GRIA4: variants seen among roughly 807,000 people sequenced by gnomAD.
GRIA4 encodes glutamate ionotropic receptor AMPA type subunit 4, also known as glutamate receptor 4.
GRIA4 carries 34 observed loss-of-function variants against 104.0 expected under a neutral mutation model. The ratio of observed to expected loss-of-function variants is 0.33; its 90% confidence interval spans 0.25 to 0.44. The LOEUF is 0.44. Ranked by LOEUF, GRIA4 falls within the 20% of genes least tolerant of loss-of-function variation. GRIA4 has a pLI of 1.00. For missense variants in GRIA4, 750 were observed against 1,096.5 expected (o/e 0.68, Z 4.46); for synonymous variants, 386 against 381.9 (o/e 1.01, Z -0.13).
intron 4 of GRIA4, among the ~76,000 whole-genome samples, chr11:105,839,079 C>T (rs1318516900): frequency 1.3e-5 from 2 of 152,104 alleles, no homozygotes; most frequent in Admixed American, 6.6e-5. Flanking sequence ...GCACCGGCCC[C>T]CTCTAGCTTT....
chr11:105,837,122 T>G (rs182689186), intron 4 of GRIA4, among the ~76,000 whole-genome samples: 1 of 152,162 alleles, frequency 6.6e-6, no homozygotes, highest in Admixed American at 6.5e-5. Flanking sequence ...CAAACACTTA[T>G]AAAACCATCA....
chr11:105,717,656 A>ATAGAGT (rs1954139998), intron 3 of GRIA4, among the ~76,000 whole-genome samples: 1 of 152,038 alleles, frequency 6.6e-6, no homozygotes, highest in Non-Finnish European at 1.5e-5. Context: ...AAGACATAAC[A>ATAGAGT]TAGAGTTAAA....
intron 3 of GRIA4, among the ~76,000 whole-genome samples, chr11:105,684,597 AAT>A (rs1952816142): frequency 6.8e-6 from 1 of 146,848 alleles, no homozygotes; most frequent in African/African-American, 2.5e-5. Context: ...TTATAATATA[AAT>A]ATATTTTTAT....
chr11:105,979,111 G>A (rs1859142747), intron 16 of GRIA4, among the ~76,000 whole-genome samples: 2 of 152,198 alleles, frequency 1.3e-5, no homozygotes, highest in African/African-American at 4.8e-5. Flanking sequence ...TATAAAACAG[G>A]AAGATCTGTC....
chr11:105,781,333 T>C (rs975781573), intron 4 of GRIA4, among the ~76,000 whole-genome samples: 1 of 152,110 alleles, frequency 6.6e-6, no homozygotes, highest in Non-Finnish European at 1.5e-5. Flanking sequence ...TCCCATTCTT[T>C]TGTACAAGGA....
intron 10 of GRIA4, among the ~76,000 whole-genome samples, chr11:105,916,155 G>C (rs1947398301): frequency 6.6e-6 from 1 of 152,168 alleles, no homozygotes; most frequent in Admixed American, 6.6e-5. Context: ...CTACACTCCA[G>C]CCTGGGTGAT....
chr11:105,966,829 G>A (rs1223370588), intron 14 of GRIA4, among the ~76,000 whole-genome samples: 1 of 152,068 alleles, frequency 6.6e-6, no homozygotes, highest in Non-Finnish European at 1.5e-5. Flanking sequence ...GTTCATGGAT[G>A]GGAAATTTCT....
At chr11:105,792,997 G>A (rs994803843) in intron 4 of GRIA4, among the ~76,000 whole-genome samples, 1 of 152,164 alleles carries the variant, frequency 6.6e-6, no homozygotes, top group Non-Finnish European at 1.5e-5. Context: ...AGGCATTTCA[G>A]ATTCTCAAAC....
chr11:105,851,237 A>G (rs1458159243), intron 4 of GRIA4, among the ~76,000 whole-genome samples: 4 of 152,060 alleles, frequency 2.6e-5, no homozygotes, highest in African/African-American at 9.7e-5. Context: ...ATTTAATTCA[A>G]CCTAATTCCC....
At chr11:105,764,778 G>C (rs188247806) in intron 4 of GRIA4, among the ~76,000 whole-genome samples, 150 of 149,952 alleles carry the variant, frequency 1.0e-3, no homozygotes, top group Admixed American at 2.3e-3. Flanking sequence ...AAGGCAGGTA[G>C]TTTATAAAAA....
chr11:105,655,947 C>G (rs1407821792), intron 3 of GRIA4, among the ~76,000 whole-genome samples: 1 of 152,150 alleles, frequency 6.6e-6, no homozygotes, highest in Non-Finnish European at 1.5e-5. Context: ...ACACTCCCAT[C>G]AACAGTGTAA....
chr11:105,738,199 A>C (rs1334919404), intron 3 of GRIA4, among the ~76,000 whole-genome samples: 1 of 152,146 alleles, frequency 6.6e-6, no homozygotes, highest in East Asian at 1.9e-4. Context: ...ATGTAAATTA[A>C]CTTTGGTAAC....
chr11:105,799,541 T>C (rs1017740516), intron 4 of GRIA4, among the ~76,000 whole-genome samples: 2 of 152,056 alleles, frequency 1.3e-5, no homozygotes, highest in Non-Finnish European at 2.9e-5. Context: ...TAGTAGATAA[T>C]AGCAGATGGA....
At chr11:105,679,566 T>C (rs1023510532) in intron 3 of GRIA4, among the ~76,000 whole-genome samples, 2 of 152,166 alleles carry the variant, frequency 1.3e-5, no homozygotes, top group African/African-American at 2.4e-5. Flanking sequence ...CTGGGTGATA[T>C]TTACTGTTCT....
At chr11:105,735,729 A>C (rs902748284) in intron 3 of GRIA4, among the ~76,000 whole-genome samples, 2 of 152,184 alleles carry the variant, frequency 1.3e-5, no homozygotes, top group African/African-American at 2.4e-5. Flanking sequence ...TGTAAAAGGG[A>C]AGAATCCATC....
intron 4 of GRIA4, among the ~76,000 whole-genome samples, chr11:105,834,172 T>C (rs1314393565): frequency 6.6e-6 from 1 of 152,026 alleles, no homozygotes; most frequent in Non-Finnish European, 1.5e-5. Context: ...TTCCAGAAGT[T>C]GTTCTCTTTA....
intron 14 of GRIA4, among the ~76,000 whole-genome samples, chr11:105,936,834 T>C (rs1017702505): frequency 6.6e-6 from 1 of 152,164 alleles, no homozygotes; most frequent in African/African-American, 2.4e-5. Flanking sequence ...GTCCTTACAG[T>C]AGAGAATGAT....
intron 3 of GRIA4, among the ~76,000 whole-genome samples, chr11:105,736,603 T>C (rs898786457): frequency 1.3e-5 from 2 of 152,104 alleles, no homozygotes; most frequent in African/African-American, 2.4e-5. Flanking sequence ...TTTATATACA[T>C]AATCAGACTT....
At chr11:105,736,878 C>G (rs1214449671) in intron 3 of GRIA4, among the ~76,000 whole-genome samples, 3 of 151,928 alleles carry the variant, frequency 2.0e-5, no homozygotes, top group Non-Finnish European at 4.4e-5. Flanking sequence ...TGTACCAAGC[C>G]ATATTCTATT....
Sources: allele counts gnomAD v4.1 joint callset (sites outside exome capture counted in the v4.1 genomes callset), GRCh38; gene constraint gnomAD v4.1.1; transcripts MANE v1.5; gene names NCBI Gene and HGNC (gene_info 2026-07-23, HGNC 2026-07-21).